The following KCNK2 variants were observed in gnomAD, a reference collection of about 807,000 sequenced individuals.
KCNK2 encodes potassium channel subfamily K member 2.
In KCNK2, 21 loss-of-function variants were observed where a neutral mutation model predicts 40.5. The ratio of observed to expected loss-of-function variants is 0.52; its 90% CI spans 0.37 to 0.75. KCNK2 has a LOEUF of 0.75. Among genes scored for constraint, KCNK2 ranks in the 30% least tolerant of loss-of-function variants. KCNK2 has a pLI of 0.00. For missense variants in KCNK2, 399 were observed against 531.6 expected, an observed-to-expected ratio of 0.75 and a Z score of 2.45; for synonymous variants, 191 against 202.2, an observed-to-expected ratio of 0.94 and a Z score of 0.47.
intron 3 of KCNK2, among the ~76,000 whole-genome samples, chr1:215,167,548 G>C (rs753247358): frequency 3.3e-5 from 5 of 152,064 alleles, no homozygotes; most frequent in Admixed American, 6.6e-5. Context: ...TGAGCTACTT[G>C]AATAGTAACA....
At chr1:215,128,256 G>T (rs1661521955) in intron 3 of KCNK2, among the ~76,000 whole-genome samples, 1 of 152,174 alleles carries the variant, frequency 6.6e-6, no homozygotes, top group Non-Finnish European at 1.5e-5. Flanking sequence ...GGCATCGGGA[G>T]CTCATGTGGA....
At chr1:215,194,919 G>A in intron 5 of KCNK2, 34 bp from the exon 6 acceptor site, 2 of 1,604,978 alleles carry the variant, frequency 1.2e-6, no homozygotes, top group Non-Finnish European at 1.7e-6. Flanking sequence ...TTAAGACTAT[G>A]AAGTTATTTT....
chr1:215,169,379 A>C lies in KCNK2; in HGVS notation c.636+20A>C. 6.4e-7 allele frequency: 1 copy of C among 1,552,840 alleles called. No individual in the cohort carries two copies. The highest frequency in any genetic ancestry group is 8.8e-7 in the Non-Finnish European group (1 of 1,138,126). On this transcript the variant is annotated intron_variant, in intron 4 of 6. Transcript: ENST00000444842. ...TTTATTGTGAGTATGATAGATATTT[A>C]ACTACGTATATTTATTGTTTGATTT...
At chr1:215,021,683 C>G (rs1268495075) in intron 1 of KCNK2, among the ~76,000 whole-genome samples, 1 of 151,764 alleles carries the variant, frequency 6.6e-6, no homozygotes, top group Non-Finnish European at 1.5e-5. Context: ...TTAACTGGGA[C>G]TACAGGCGCC....
chr1:215,031,504 T>C (rs1406803604), intron 1 of KCNK2, among the ~76,000 whole-genome samples: 1 of 152,176 alleles, frequency 6.6e-6, no homozygotes, highest in East Asian at 1.9e-4. Context: ...GTAACCCTAA[T>C]CTGAAAAGGT....
intron 3 of KCNK2, among the ~76,000 whole-genome samples, chr1:215,151,072 C>G (rs1319436491): frequency 6.6e-6 from 1 of 151,740 alleles, no homozygotes; most frequent in African/African-American, 2.4e-5. Flanking sequence ...GACTATTGTC[C>G]AATGTCTTCT....
intron 2 of KCNK2, among the ~76,000 whole-genome samples, chr1:215,115,340 G>A (rs1571629369): frequency 6.6e-6 from 1 of 152,048 alleles, no homozygotes; most frequent in Admixed American, 6.6e-5. Flanking sequence ...AAAACGAGAG[G>A]TTTTCCAAAT....
At chr1:215,032,507 G>C (rs186108880) in intron 1 of KCNK2, among the ~76,000 whole-genome samples, 2 of 152,112 alleles carry the variant, frequency 1.3e-5, no homozygotes, top group East Asian at 3.9e-4. Context: ...GTAGATTTGA[G>C]TTTCTGATCC....
chr1:215,133,290 C>A (rs1558106079), intron 3 of KCNK2, among the ~76,000 whole-genome samples: 6 of 152,172 alleles, frequency 3.9e-5, no homozygotes. Flanking sequence ...ATGTTGTGAT[C>A]TTGAAATTAT....
At chr1:215,130,139 G>A (rs1180436820) in intron 3 of KCNK2, among the ~76,000 whole-genome samples, 1 of 152,164 alleles carries the variant, frequency 6.6e-6, no homozygotes, top group Non-Finnish European at 1.5e-5. Context: ...TCACTCCCAG[G>A]ACTCTGGGGA....
At chr1:215,225,868 T>G (rs1178171822) in intron 6 of KCNK2, among the ~76,000 whole-genome samples, 2 of 152,192 alleles carry the variant, frequency 1.3e-5, no homozygotes, top group Non-Finnish European at 1.5e-5. Flanking sequence ...ACAATGGTCC[T>G]TACCTTCAAA....
chr1:215,171,577 T>C (rs1000904523), intron 4 of KCNK2, among the ~76,000 whole-genome samples: 10 of 152,172 alleles, frequency 6.6e-5, no homozygotes, highest in African/African-American at 2.2e-4. Flanking sequence ...TGGTTCTGGA[T>C]TGTATTTGGC....
chr1:215,151,450 G>C (rs1027056660), intron 3 of KCNK2, among the ~76,000 whole-genome samples: 1 of 151,950 alleles, frequency 6.6e-6, no homozygotes, highest in Admixed American at 6.6e-5. Flanking sequence ...TAATCATATT[G>C]CTTTTTAATT....
chr1:215,007,133 G>GTA (rs1320686494), intron 1 of KCNK2, among the ~76,000 whole-genome samples: 1 of 114,454 alleles, frequency 8.7e-6, no homozygotes, highest in Non-Finnish European at 1.7e-5. Context: ...ATATATATGT[G>GTA]TATATATATG....
At chr1:215,106,968 T>C (rs1008951583) in intron 2 of KCNK2, among the ~76,000 whole-genome samples, 7 of 152,136 alleles carry the variant, frequency 4.6e-5, no homozygotes, top group Non-Finnish European at 8.8e-5. Flanking sequence ...ACCAGTACCA[T>C]GCTGTTTTGG....
chr1:215,221,144 G>A (rs986447819), intron 6 of KCNK2, among the ~76,000 whole-genome samples: 2 of 152,218 alleles, frequency 1.3e-5, no homozygotes, highest in African/African-American at 4.8e-5. Context: ...CCAAGGCCAA[G>A]GTGGGTGGAT....
At chr1:215,046,880 T>G (rs1657789603) in intron 1 of KCNK2, among the ~76,000 whole-genome samples, 1 of 152,122 alleles carries the variant, frequency 6.6e-6, no homozygotes, top group Non-Finnish European at 1.5e-5. Context: ...AGTGTTAAGC[T>G]TGTTGTAAAA....
At chr1:215,093,147 A>G (rs1473232119) in intron 2 of KCNK2, among the ~76,000 whole-genome samples, 1 of 151,934 alleles carries the variant, frequency 6.6e-6, no homozygotes, top group Non-Finnish European at 1.5e-5. Flanking sequence ...TGAAATGAAC[A>G]GAGATTCTAA....
chr1:215,155,986 C>T (rs1484872235), intron 3 of KCNK2, among the ~76,000 whole-genome samples: 2 of 151,974 alleles, frequency 1.3e-5, no homozygotes, highest in African/African-American at 4.8e-5. Flanking sequence ...AGGAAGTACT[C>T]ATGCAAAGTT....
Sources: allele counts gnomAD v4.1 joint callset (sites outside exome capture counted in the v4.1 genomes callset), GRCh38; gene constraint gnomAD v4.1.1; transcripts MANE v1.5; gene names NCBI Gene and HGNC (gene_info 2026-07-23, HGNC 2026-07-21).